The following CDH13 variants were observed in gnomAD, a reference collection of about 807,000 sequenced individuals.
CDH13 encodes cadherin-13.
In CDH13, 24 loss-of-function variants were observed where a neutral mutation model predicts 63.8. That is an observed-to-expected ratio of 0.38 (90% CI 0.27 to 0.53). The LOEUF is 0.53. Among genes scored for constraint, CDH13 ranks in the 20% least tolerant of loss-of-function variants. CDH13 has a pLI of 0.85. For missense variants in CDH13, 1,049 were observed against 903.1 expected, an observed-to-expected ratio of 1.16 and a Z score of -2.07; for synonymous variants, 503 against 355.3, an observed-to-expected ratio of 1.42 and a Z score of -4.67.
intron 5 of CDH13, among the ~76,000 whole-genome samples, chr16:83,260,095 A>AGTAC (rs1906781579): frequency 1.2e-4 from 7 of 58,764 alleles, no homozygotes; most frequent in Non-Finnish European, 2.8e-4. Flanking sequence ...ATGTACCCCC[A>AGTAC]ATACACACAC....
At chr16:82,981,156 T>A in intron 2 of CDH13, among the ~76,000 whole-genome samples, 1 of 152,196 alleles carries the variant, frequency 6.6e-6, no homozygotes. Context: ...TTTCACTTAG[T>A]GATTAAAAAA....
chr16:83,068,644 G>A (rs1237233639), intron 3 of CDH13, among the ~76,000 whole-genome samples: 1 of 152,010 alleles, frequency 6.6e-6, no homozygotes, highest in Non-Finnish European at 1.5e-5. Flanking sequence ...TGGCCTCCAT[G>A]GTCTTCATCT....
At chr16:83,070,664 G>A (rs1036292510) in intron 3 of CDH13, among the ~76,000 whole-genome samples, 14 of 152,172 alleles carry the variant, frequency 9.2e-5, no homozygotes, top group African/African-American at 3.1e-4. Flanking sequence ...ATGCTGAGAC[G>A]CCCAAGAAGA....
At chr16:83,319,159 G>A (rs569662929) in intron 5 of CDH13, among the ~76,000 whole-genome samples, 2 of 152,198 alleles carry the variant, frequency 1.3e-5, no homozygotes, top group South Asian at 4.2e-4. Context: ...GCTGCTTGTT[G>A]TCTCTTATAG....
intron 1 of CDH13, chr16:82,823,489 C>G (rs979678211): frequency 6.6e-6 from 1 of 152,060 alleles, no homozygotes. Context: ...ATTCAAAAGT[C>G]AGAGAAACAA....
At chr16:83,326,205 C>T (rs918616225) in intron 5 of CDH13, among the ~76,000 whole-genome samples, 2 of 152,074 alleles carry the variant, frequency 1.3e-5, no homozygotes, top group Non-Finnish European at 2.9e-5. Context: ...CAGAATTTTT[C>T]GCCGGACAAC....
intron 8 of CDH13, among the ~76,000 whole-genome samples, chr16:83,668,004 G>A (rs1295766667): frequency 6.6e-6 from 1 of 152,104 alleles, no homozygotes; most frequent in East Asian, 1.9e-4. Context: ...TATTATGATA[G>A]GAGGGGTTGA....
intron 7 of CDH13, among the ~76,000 whole-genome samples, chr16:83,551,986 AATGGGTTAGATGC>A (rs975588168): frequency 1.3e-5 from 2 of 152,218 alleles, no homozygotes; most frequent in African/African-American, 4.8e-5. Flanking sequence ...GTTAATAAGT[AATGGGTTAGATGC>A]ATGACAAAAT....
At chr16:83,032,297 A>G (rs1282761116) in intron 3 of CDH13, 79 bp downstream of exon 3, 2 of 1,078,186 alleles carry the variant, frequency 1.9e-6, no homozygotes, top group Non-Finnish European at 2.7e-6. Context: ...ATGGGTCTTT[A>G]ATTTATTATG....
chr16:83,725,987 A>C (rs1357585724), intron 10 of CDH13: 1 of 152,224 alleles, frequency 6.6e-6, no homozygotes, highest in Non-Finnish European at 1.5e-5. Context: ...AGTCAGACTG[A>C]GCGATTTATG....
chr16:83,433,162 G>A lies in CDH13; in HGVS notation c.782-53315G>A, dbSNP rs184252251. On this transcript the variant is annotated intron_variant, in intron 6 of 13. Coordinates refer to ENST00000567109, the MANE Select transcript of CDH13 (RefSeq NM_001257.5). The stretch of plus-strand genomic sequence containing the variant: ...ACTAGACTAGACAGACCAAGTCCCC[G>A]TCTTCCTGGAACTTACTGGTAGAGT... Among the ~76,000 whole-genome samples the A allele has an allele frequency of 6.8e-4, 103 of 152,282 alleles. 1 individual carries two copies. The highest frequency in any genetic ancestry group is 2.1e-3 in the African/African-American group (89 of 41,566).
intron 4 of CDH13, among the ~76,000 whole-genome samples, chr16:83,211,244 G>C (rs1025040092): frequency 1.3e-5 from 2 of 151,996 alleles, no homozygotes; most frequent in African/African-American, 4.8e-5. Context: ...TAATTTATCA[G>C]TTATGACCAA....
At chr16:83,656,374 A>C (rs1912868738) in intron 8 of CDH13, among the ~76,000 whole-genome samples, 1 of 152,122 alleles carries the variant, frequency 6.6e-6, no homozygotes, top group Non-Finnish European at 1.5e-5. Flanking sequence ...TGTTTCGATC[A>C]TGTTAAGTTT....
At chr16:83,227,274 C>T (rs963791029) in intron 5 of CDH13, among the ~76,000 whole-genome samples, 1 of 152,176 alleles carries the variant, frequency 6.6e-6, no homozygotes, top group Admixed American at 6.5e-5. Context: ...ATGGGAAGTG[C>T]TGGTCTTCAG....
intron 4 of CDH13, among the ~76,000 whole-genome samples, chr16:83,203,171 C>T (rs1406090411): frequency 6.6e-6 from 1 of 152,066 alleles, no homozygotes; most frequent in African/African-American, 2.4e-5. Context: ...TTGTGGTGAG[C>T]TGAGGTCGCA....
chr16:82,644,052 A>T lies in CDH13; in HGVS notation c.45+16915A>T, dbSNP rs1004037324. Among the ~76,000 whole-genome samples the T allele has an allele frequency of 3.9e-5, 6 of 152,050 alleles. No homozygotes were observed. Among genetic ancestry groups the T allele is most frequent in the African/African-American group, 1.4e-4 (6 of 41,400 alleles). On this transcript the variant is annotated intron_variant, in intron 1 of 13. Transcript: ENST00000567109. The surrounding 1 kb of genome is among the most constrained non-coding windows in gnomAD (Gnocchi z 5.7). ...TTTTAAAAGTAGTAAGTGGTTTAGGATGGGGGGTGGTATGGAGGTCGGGTG... is the reference window on the plus strand; with the variant it reads ...TTTTAAAAGTAGTAAGTGGTTTAGGTTGGGGGGTGGTATGGAGGTCGGGTG...
chr16:83,784,708 G>A lies in CDH13; in HGVS notation c.2134+1236G>A, dbSNP rs537309642. On this transcript the variant is annotated intron_variant, in intron 13 of 13. Coordinates refer to ENST00000567109, the MANE Select transcript of CDH13 (RefSeq NM_001257.5). ...CTTCAGACTGGGCATTTCTGAAAGC[G>A]AACATATCATCTTCCCCTCCTGACC... 1.4e-4 allele frequency among the ~76,000 whole-genome samples: 21 copies of A among 151,164 alleles called. 1 individual carries two copies. Among genetic ancestry groups the A allele is most frequent in the African/African-American group, 4.6e-4 (19 of 41,200 alleles).
At chr16:83,533,577 A>G (rs1354963840) in intron 7 of CDH13, among the ~76,000 whole-genome samples, 1 of 150,240 alleles carries the variant, frequency 6.7e-6, no homozygotes, top group Non-Finnish European at 1.5e-5. Flanking sequence ...CGGCTTCCTT[A>G]GTTGTGGAAG....
intron 5 of CDH13, among the ~76,000 whole-genome samples, chr16:83,231,289 T>C (rs560878445): frequency 6.6e-6 from 1 of 152,302 alleles, no homozygotes; most frequent in South Asian, 2.1e-4. Flanking sequence ...GCCTTCCTAC[T>C]GAAGGTCAGC....
Sources: gnomAD v4.1 joint callset for allele counts (sites outside exome capture counted in the v4.1 genomes callset) on GRCh38, gnomAD v4.1.1 for gene constraint, Gnocchi (gnomAD v3.1) non-coding constraint, MANE v1.5 for transcripts, NCBI Gene and HGNC (gene_info 2026-07-23, HGNC 2026-07-21) for gene names.